Variants in SGCZ observed in about 807,000 individuals in gnomAD.
SGCZ encodes the protein zeta-sarcoglycan.
A neutral mutation model predicts 41.3 loss-of-function variants in SGCZ; 40 were observed. The ratio of observed to expected loss-of-function variants is 0.97; its 90% CI spans 0.75 to 1.26. The LOEUF is 1.26. SGCZ is among the 50% of genes most tolerant of loss of function. The pLI is 0.00. For synonymous variants in SGCZ, 206 were observed against 137.5 expected (o/e 1.50, Z -3.49); for missense variants, 552 against 369.8 (o/e 1.49, Z -4.04).
chr8:14,888,207 C>A (rs200765744), intron 1 of SGCZ, among the ~76,000 whole-genome samples: 2 of 152,082 alleles, frequency 1.3e-5, no homozygotes, highest in Admixed American at 1.3e-4. Flanking sequence ...TAGTAGTGAC[C>A]TTTATCCTTA....
At chr8:14,164,157 A>T (rs2116983582) in intron 5 of SGCZ, among the ~76,000 whole-genome samples, 1 of 152,286 alleles carries the variant, frequency 6.6e-6, no homozygotes, top group Non-Finnish European at 1.5e-5. Flanking sequence ...AAGCCATATA[A>T]AATTAATTTA....
In SGCZ at chr8:14,937,682, T is replaced by G. The variant is rs1800129156; in HGVS notation, c.39+299903A>C. ...ATTACAATAGAAAATAACAATGAAT[T>G]GTGTTGAGCTCTTAAATTACAATTT... On this transcript the variant is annotated intron_variant, in intron 1 of 7. Transcript: ENST00000382080. Among the ~76,000 whole-genome samples the G allele has an allele frequency of 2.0e-5, 3 of 152,150 alleles. No individual in the cohort carries two copies. The East Asian group carries it at 5.8e-4, about 29-fold the overall frequency.
intron 2 of SGCZ, among the ~76,000 whole-genome samples, chr8:14,373,677 G>C (rs1295831682): frequency 6.6e-6 from 1 of 152,116 alleles, no homozygotes; most frequent in Non-Finnish European, 1.5e-5. Context: ...TAAATGATTT[G>C]AAAAAATCAA....
At chr8:15,077,604 T>C (rs983500899) in intron 1 of SGCZ, among the ~76,000 whole-genome samples, 2 of 152,218 alleles carry the variant, frequency 1.3e-5, no homozygotes, top group African/African-American at 2.4e-5. Context: ...TCCTTGTATG[T>C]TGAACTCTAG....
chr8:15,227,218 G>C (rs960289443), intron 1 of SGCZ, among the ~76,000 whole-genome samples: 54 of 152,072 alleles, frequency 3.6e-4, no homozygotes, highest in African/African-American at 1.3e-3. Flanking sequence ...AGAGGGAATA[G>C]AAAAATACCA....
chr8:14,972,663 A>G (rs1049725923), intron 1 of SGCZ, among the ~76,000 whole-genome samples: 1 of 152,018 alleles, frequency 6.6e-6, no homozygotes, highest in Non-Finnish European at 1.5e-5. Context: ...AACTTTTTAT[A>G]TCGTTATTTT....
At chr8:15,171,334 C>G (rs556829902) in intron 1 of SGCZ, among the ~76,000 whole-genome samples, 1 of 152,306 alleles carries the variant, frequency 6.6e-6, no homozygotes, top group South Asian at 2.1e-4. Flanking sequence ...AAAAAAGTGT[C>G]TCATGCTTGA....
At chr8:14,645,527 T>G (rs2117441529) in intron 1 of SGCZ, among the ~76,000 whole-genome samples, 1 of 144,236 alleles carries the variant, frequency 6.9e-6, no homozygotes, top group Non-Finnish European at 1.5e-5. Flanking sequence ...TAATTATGTT[T>G]ATTTTAAAAA....
chr8:14,973,690 T>C (rs1350543738), intron 1 of SGCZ, among the ~76,000 whole-genome samples: 1 of 152,192 alleles, frequency 6.6e-6, no homozygotes, highest in East Asian at 1.9e-4. Flanking sequence ...TAGGATCTTC[T>C]ACTATAACTT....
intron 1 of SGCZ, among the ~76,000 whole-genome samples, chr8:15,218,995 G>A (rs1033163790): frequency 1.3e-5 from 2 of 152,110 alleles, no homozygotes; most frequent in African/African-American, 4.8e-5. Flanking sequence ...CTCAAAGATC[G>A]TTAGATTACA....
chr8:14,715,779 T>G (rs746672168), intron 1 of SGCZ, among the ~76,000 whole-genome samples: 28 of 152,144 alleles, frequency 1.8e-4, no homozygotes, highest in Non-Finnish European at 3.8e-4. Flanking sequence ...CCTGCAAGTT[T>G]ATACTTAAAA....
intron 5 of SGCZ, among the ~76,000 whole-genome samples, chr8:14,158,691 G>T (rs1803951640): frequency 6.6e-6 from 1 of 152,134 alleles, no homozygotes; most frequent in African/African-American, 2.4e-5. Context: ...CAAATACCAG[G>T]CCCTGAATGA....
chr8:14,355,466 T>C (rs1168198957), intron 2 of SGCZ, among the ~76,000 whole-genome samples: 2 of 152,106 alleles, frequency 1.3e-5, no homozygotes, highest in East Asian at 1.9e-4. Context: ...ATGAGCTACA[T>C]GAAGACTTTT....
intron 1 of SGCZ, among the ~76,000 whole-genome samples, chr8:14,606,325 G>A (rs1421908078): frequency 2.0e-5 from 3 of 146,470 alleles, no homozygotes; most frequent in African/African-American, 7.3e-5. Flanking sequence ...TCCTTATTTG[G>A]TTCCTAAACC....
At chr8:14,984,564 T>C (rs1801770211) in intron 1 of SGCZ, among the ~76,000 whole-genome samples, 1 of 152,146 alleles carries the variant, frequency 6.6e-6, no homozygotes, top group Non-Finnish European at 1.5e-5. Context: ...CTGGATTTTG[T>C]TGCTGCAACC....
chr8:14,998,218 T>G (rs1373038933), intron 1 of SGCZ, among the ~76,000 whole-genome samples: 1 of 152,172 alleles, frequency 6.6e-6, no homozygotes, highest in Non-Finnish European at 1.5e-5. Context: ...TACATAAACA[T>G]CTTTGCCTCA....
At chr8:14,978,362 T>C (rs1398151099) in intron 1 of SGCZ, among the ~76,000 whole-genome samples, 2 of 125,988 alleles carry the variant, frequency 1.6e-5, no homozygotes, top group African/African-American at 7.8e-5. Context: ...TCCCAGCTAC[T>C]TGGGAGGCTG....
At chr8:14,951,484 G>A (rs536398241) in intron 1 of SGCZ, among the ~76,000 whole-genome samples, 56 of 151,964 alleles carry the variant, frequency 3.7e-4, no homozygotes, top group Non-Finnish European at 6.2e-4. Context: ...ATTATATGGT[G>A]AGATAATAAA....
At chr8:14,802,595 AC>A (rs1314762786) in intron 1 of SGCZ, among the ~76,000 whole-genome samples, 1 of 152,222 alleles carries the variant, frequency 6.6e-6, no homozygotes, top group African/African-American at 2.4e-5. Context: ...TTACACACAT[AC>A]AAACACAGAG....
Sources: allele counts gnomAD v4.1 joint callset (sites outside exome capture counted in the v4.1 genomes callset), GRCh38; gene constraint gnomAD v4.1.1; transcripts MANE v1.5; gene names NCBI Gene and HGNC (gene_info 2026-07-23, HGNC 2026-07-21).